Variants in IQCJ observed in about 807,000 individuals in gnomAD.
IQCJ encodes the protein IQ domain-containing protein J.
In IQCJ, 9 loss-of-function variants were observed where a neutral mutation model predicts 11.0. That is an observed-to-expected ratio of 0.82 (90% CI 0.49 to 1.43). IQCJ has a LOEUF of 1.43. Among genes scored for constraint, IQCJ ranks in the 40% most tolerant of loss-of-function variants. The pLI, the probability that IQCJ is intolerant of heterozygous loss-of-function variation, is 0.00. For synonymous variants in IQCJ, 55 were observed against 51.3 expected, an observed-to-expected ratio of 1.07 and a Z score of -0.31; for missense variants, 146 against 133.2, an observed-to-expected ratio of 1.10 and a Z score of -0.47.
intron 1 of IQCJ, among the ~76,000 whole-genome samples, chr3:159,173,381 G>A (rs796757336): frequency 6.6e-6 from 1 of 152,102 alleles, no homozygotes; most frequent in South Asian, 2.1e-4. Context: ...TCTGTATTTT[G>A]GAGGGTATAT....
chr3:159,127,087 A>G (rs1231695093), intron 1 of IQCJ, among the ~76,000 whole-genome samples: 1 of 152,232 alleles, frequency 6.6e-6, no homozygotes, highest in Non-Finnish European at 1.5e-5. Context: ...TGATGCTGAC[A>G]GGTTTCTATT....
chr3:159,127,501 A>T (rs1207420625), intron 1 of IQCJ, among the ~76,000 whole-genome samples: 1 of 152,228 alleles, frequency 6.6e-6, no homozygotes, highest in Non-Finnish European at 1.5e-5. Flanking sequence ...TAATCCTGGC[A>T]GCACTTATTT....
intron 1 of IQCJ, among the ~76,000 whole-genome samples, chr3:159,194,070 G>A (rs1723842892): frequency 1.3e-5 from 2 of 152,136 alleles, no homozygotes; most frequent in South Asian, 4.1e-4. Context: ...GGTCTTTTGG[G>A]GGAAGAACTG....
chr3:159,251,780 G>A (rs1324752880), intron 2 of IQCJ, among the ~76,000 whole-genome samples: 2 of 152,052 alleles, frequency 1.3e-5, no homozygotes, highest in African/African-American at 4.8e-5. Flanking sequence ...GCAGTGAGAT[G>A]TGAGTTTTAA....
downstream of IQCJ, chr3:159,265,433 A>G: frequency 6.4e-7 from 1 of 1,557,332 alleles, no homozygotes; most frequent in South Asian, 1.1e-5. Context: ...AGGGAATAGG[A>G]TGATCCCTGG....
At chr3:159,102,373 A>G (rs1229955294) in intron 1 of IQCJ, among the ~76,000 whole-genome samples, 1 of 152,202 alleles carries the variant, frequency 6.6e-6, no homozygotes, top group Non-Finnish European at 1.5e-5. Context: ...ATCTATTCAA[A>G]ATTTCAGGAA....
chr3:159,244,975 G>A (rs1351221761), intron 1 of IQCJ, among the ~76,000 whole-genome samples: 1 of 152,206 alleles, frequency 6.6e-6, no homozygotes, highest in African/African-American at 2.4e-5. Flanking sequence ...AGTTCTGCGA[G>A]TCTTCCTTAA....
At chr3:159,115,686 A>C (rs1718939709) in intron 1 of IQCJ, among the ~76,000 whole-genome samples, 1 of 152,208 alleles carries the variant, frequency 6.6e-6, no homozygotes, top group Non-Finnish European at 1.5e-5. Context: ...TGTCTCATGC[A>C]ATTGTCTTGT....
intron 3 of IQCJ, among the ~76,000 whole-genome samples, chr3:159,261,822 C>T (rs1435635187): frequency 2.7e-5 from 4 of 148,500 alleles, no homozygotes; most frequent in South Asian, 2.2e-4. Context: ...CTTCCTTAGG[C>T]GAAACCTGAA....
chr3:159,087,490 A>G (rs150431679), intron 1 of IQCJ, among the ~76,000 whole-genome samples: 29,104 of 151,562 alleles, frequency 0.19, 3,466 homozygotes, highest in South Asian at 0.35. Flanking sequence ...TTCAGAAGGA[A>G]TGGTACCAAG....
intron 1 of IQCJ, among the ~76,000 whole-genome samples, chr3:159,091,689 CA>C (rs1717321443): frequency 1.3e-5 from 2 of 150,026 alleles, no homozygotes; most frequent in African/African-American, 5.0e-5. Flanking sequence ...CACACACACA[CA>C]CACACACACA....
chr3:159,114,441 G>C (rs534624389), intron 1 of IQCJ, among the ~76,000 whole-genome samples: 1 of 152,016 alleles, frequency 6.6e-6, no homozygotes, highest in Admixed American at 6.5e-5. Flanking sequence ...CCCCCTCATA[G>C]CTGGGACTAC....
intron 1 of IQCJ, among the ~76,000 whole-genome samples, chr3:159,161,846 T>G (rs1577051381): frequency 6.6e-6 from 1 of 152,192 alleles, no homozygotes; most frequent in South Asian, 2.1e-4. Flanking sequence ...GCTGTAGATA[T>G]GTGGCGTTAT....
At chr3:159,235,069 C>T (rs890130768) in intron 1 of IQCJ, among the ~76,000 whole-genome samples, 1 of 152,144 alleles carries the variant, frequency 6.6e-6, no homozygotes, top group Non-Finnish European at 1.5e-5. Context: ...GCTATTCTGT[C>T]TGCTTTCTGA....
At chr3:159,105,325 T>C (rs1718186820) in intron 1 of IQCJ, among the ~76,000 whole-genome samples, 1 of 152,202 alleles carries the variant, frequency 6.6e-6, no homozygotes, top group Admixed American at 6.5e-5. Context: ...ATTACCACCC[T>C]CCTACCTGTG....
chr3:159,077,326 C>T (rs934387373), intron 1 of IQCJ, among the ~76,000 whole-genome samples: 7 of 152,242 alleles, frequency 4.6e-5, no homozygotes, highest in African/African-American at 1.7e-4. Context: ...TAGCACCTCC[C>T]TTTTGACCTA....
chr3:159,181,019 T>C (rs1445447674), intron 1 of IQCJ, among the ~76,000 whole-genome samples: 1 of 151,870 alleles, frequency 6.6e-6, no homozygotes, highest in Non-Finnish European at 1.5e-5. Flanking sequence ...TCTTCTCCTC[T>C]TCCCTTCATA....
At chr3:159,141,428 A>C (rs1720596991) in intron 1 of IQCJ, among the ~76,000 whole-genome samples, 1 of 152,162 alleles carries the variant, frequency 6.6e-6, no homozygotes, top group South Asian at 2.1e-4. Flanking sequence ...GCCACTGGAG[A>C]GTTTTAAGCA....
At chr3:159,254,714 T>A (rs1480369132) in intron 3 of IQCJ, among the ~76,000 whole-genome samples, 1 of 152,136 alleles carries the variant, frequency 6.6e-6, no homozygotes, top group Admixed American at 6.5e-5. Flanking sequence ...TCCTCCTTCC[T>A]TCTCCCTTCC....
Sources: gnomAD v4.1 joint callset for allele counts (sites outside exome capture counted in the v4.1 genomes callset) on GRCh38, gnomAD v4.1.1 for gene constraint, MANE v1.5 for transcripts, NCBI Gene and HGNC (gene_info 2026-07-23, HGNC 2026-07-21) for gene names.